The following FIP1L1 variants were observed in gnomAD, a reference collection of about 807,000 sequenced individuals.
The protein encoded by FIP1L1 is factor interacting with PAPOLA and CPSF1, also known as pre-mRNA 3'-end-processing factor FIP1.
In FIP1L1, 21 loss-of-function variants were observed where a neutral mutation model predicts 84.6. That is an observed-to-expected ratio of 0.25 (90% confidence interval 0.18 to 0.36). The LOEUF is 0.36. Ranked by LOEUF, FIP1L1 falls within the 10% of genes least tolerant of loss-of-function variation. The pLI, the probability that FIP1L1 is intolerant of heterozygous loss-of-function variation, is 1.00. For synonymous variants in FIP1L1, 263 were observed against 242.3 expected (o/e 1.09, Z -0.80); for missense variants, 526 against 751.1 (o/e 0.70, Z 3.50).
intron 3 of FIP1L1, 104 bp from the exon 4 acceptor site, chr4:53,382,174 C>A: frequency 4.5e-5 from 34 of 756,448 alleles, no homozygotes; most frequent in Non-Finnish European, 7.3e-5. Context: ...CCAGTGGAGA[C>A]AATAATTTTA....
rs3067115 is a variant in FIP1L1 at position 53,459,277 on chromosome 4, CTTTTT to C, written c.1638-9_1638-5del. 237 of 974,182 alleles carry C rather than the reference CTTTTT, an allele frequency of 2.4e-4. No individual in the cohort carries two copies. The highest frequency in any genetic ancestry group is 2.7e-4 in the Middle Eastern group (1 of 3,678). 60.3% of individuals were successfully genotyped at this position (974,182 alleles called of 1,614,324 possible). A position where few individuals can be genotyped will look rare whatever the true frequency, so the allele number is the denominator to read the frequency against. ...GATTGTGTATTTAAACAGAACACAC[CTTTTT>C]TTTTTTTTTTTTTTTCCAGTAATAG... On this transcript the variant is annotated intron_variant, in intron 17 of 17. Coordinates refer to ENST00000337488, the MANE Select transcript of FIP1L1 (RefSeq NM_030917.4).
chr4:53,421,089 A>G (rs966815638), intron 11 of FIP1L1, among the ~76,000 whole-genome samples: 2 of 152,194 alleles, frequency 1.3e-5, no homozygotes, highest in Non-Finnish European at 1.5e-5. Flanking sequence ...TATGCAGGCA[A>G]GGTTGAGAAC....
chr4:53,405,396 G>C (rs1752757476), intron 10 of FIP1L1, among the ~76,000 whole-genome samples: 1 of 152,152 alleles, frequency 6.6e-6, no homozygotes, highest in African/African-American at 2.4e-5. Flanking sequence ...GTACCATGCT[G>C]TTTTGGTTAC....
intron 5 of FIP1L1, among the ~76,000 whole-genome samples, chr4:53,385,088 G>A (rs1740219463): frequency 6.6e-6 from 1 of 152,082 alleles, no homozygotes; most frequent in African/African-American, 2.4e-5. Context: ...TTTCATGTTA[G>A]GGGTGGATAT....
rs587778363 is a variant in FIP1L1, at chr4:53,399,808, T to C, written c.784T>C (p.Ser262Pro). Residue 262 changes from serine (S) to proline (P), a missense_variant, in exon 10 of 18, where the codon TCT (serine) becomes CCT (proline). Physicochemically the swap from Ser to Pro is moderately conservative, Grantham distance 74. Around this residue, in one of 6 missense-constraint regions of FIP1L1, gnomAD observed 169 missense variants for 206.9 expected, o/e 0.82. Coordinates refer to ENST00000337488, the MANE Select transcript of FIP1L1 (RefSeq NM_030917.4). ...STKAEFTSPP[S>P]LFKTGLPPSR... ...AAAAGCTGAGTTTACTTCTCCTCCT[T>C]CTTTGTTCAAGACTGGGCTTCCACC... 25 of 1,613,556 alleles carry C rather than the reference T, an allele frequency of 1.5e-5. No homozygotes were observed. The Admixed American group carries it at 1.8e-4, about 12-fold the overall frequency.
At chr4:53,417,081 T>C (rs1053492229) in intron 11 of FIP1L1, among the ~76,000 whole-genome samples, 10 of 152,254 alleles carry the variant, frequency 6.6e-5, no homozygotes, top group Non-Finnish European at 1.3e-4. Flanking sequence ...TAGAAGTTTT[T>C]ATTTAAAATT....
chr4:53,406,696 T>G lies in FIP1L1; in HGVS notation c.815+6857T>G, dbSNP rs1266354066. On this transcript the variant is annotated intron_variant, in intron 10 of 17. Coordinates refer to ENST00000337488, the MANE Select transcript of FIP1L1 (RefSeq NM_030917.4). ...TTGCCACAATTTCAGAGCCTATTAT[T>G]GGTCTATTCAGGGATTCAACTTCTT... Among the ~76,000 whole-genome samples, 4 of 152,214 alleles carry G rather than the reference T, an allele frequency of 2.6e-5. No individual in the cohort carries two copies. The East Asian group carries it at 7.7e-4, about 29-fold the overall frequency.
At chr4:53,437,835 C>T (rs1770119534) in intron 13 of FIP1L1, among the ~76,000 whole-genome samples, 1 of 152,022 alleles carries the variant, frequency 6.6e-6, no homozygotes, top group Non-Finnish European at 1.5e-5. Context: ...AAACGATTCT[C>T]CAGCCTCAGC....
At chr4:53,435,093 T>G (rs1406642682) in intron 13 of FIP1L1, among the ~76,000 whole-genome samples, 1 of 152,154 alleles carries the variant, frequency 6.6e-6, no homozygotes, top group Non-Finnish European at 1.5e-5. Flanking sequence ...GAACTCAAAG[T>G]TTTTGAAAAC....
intron 10 of FIP1L1, among the ~76,000 whole-genome samples, chr4:53,410,308 G>A (rs1756509039): frequency 6.6e-6 from 1 of 152,184 alleles, no homozygotes; most frequent in South Asian, 2.1e-4. Flanking sequence ...TGCTTCAAAT[G>A]CCTAACAACT....
chr4:53,392,923 G>T (rs1471284485), intron 9 of FIP1L1, among the ~76,000 whole-genome samples: 1 of 152,116 alleles, frequency 6.6e-6, no homozygotes, highest in African/African-American at 2.4e-5. Context: ...TTCTTGCCTT[G>T]ATAGTGTGTT....
intron 3 of FIP1L1, among the ~76,000 whole-genome samples, chr4:53,381,750 A>ATTCTTTTTTTT (rs1738026508): frequency 1.6e-5 from 1 of 63,070 alleles, no homozygotes; most frequent in Non-Finnish European, 3.0e-5. Context: ...AGGCATTTGC[A>ATTCTTTTTTTT]TTCTTTTTTT....
At chr4:53,414,745 GATA>G in intron 11 of FIP1L1, 23 bp downstream of exon 11, 1 of 1,417,014 alleles carries the variant, frequency 7.1e-7, no homozygotes, top group African/African-American at 1.4e-5. Context: ...TTAAACATTG[GATA>G]CTCCCTGATG....
chr4:53,391,241 T>C (rs1744104437), intron 8 of FIP1L1, 102 bp downstream of exon 8: 1 of 1,355,342 alleles, frequency 7.4e-7, no homozygotes, highest in South Asian at 1.4e-5. Flanking sequence ...TGCTATATGA[T>C]AGTTTAAAAA....
At chr4:53,407,074 C>A (rs974143938) in intron 10 of FIP1L1, among the ~76,000 whole-genome samples, 4 of 152,106 alleles carry the variant, frequency 2.6e-5, no homozygotes, top group African/African-American at 4.8e-5. Flanking sequence ...TTTGCTCTTG[C>A]TTCTCTAGTT....
intron 9 of FIP1L1, among the ~76,000 whole-genome samples, chr4:53,398,072 A>C (rs1413206464): frequency 1.3e-5 from 2 of 152,006 alleles, no homozygotes; most frequent in Admixed American, 1.3e-4. Flanking sequence ...TTTTTTTCAT[A>C]ATATTTATTA....
At position 53,389,425 on chromosome 4, in the gene FIP1L1, A is replaced by G. The variant is rs1043138204; in HGVS notation, c.333-384A>G. ...ACAGTAGAATGTTGAGTTATTGGCA[A>G]AAAGGTTTTTGAAATGGAAACAAGT... On this transcript the variant is annotated intron_variant, in intron 5 of 17. Coordinates refer to ENST00000337488, the MANE Select transcript of FIP1L1 (RefSeq NM_030917.4). Among the ~76,000 whole-genome samples, 5 of 148,408 alleles carry G rather than the reference A, an allele frequency of 3.4e-5. No homozygotes were observed. The Admixed American group carries it at 3.5e-4, about 10-fold the overall frequency.
chr4:53,419,842 A>G (rs1005514058), intron 11 of FIP1L1, among the ~76,000 whole-genome samples: 7 of 152,130 alleles, frequency 4.6e-5, no homozygotes, highest in African/African-American at 1.7e-4. Context: ...GCCAGGCGCA[A>G]TGGCTCACGC....
In FIP1L1 at chr4:53,394,422, T is replaced by C. The variant is rs182891973; in HGVS notation, c.705+2924T>C. On this transcript the variant is annotated intron_variant, in intron 9 of 17. Transcript: ENST00000337488. ...TGGAGGGCTGTTTTTTCACATTCCCTGATGTCAGTATTTTTAGGTGTTTTT... is the reference window on the plus strand; with the variant it reads ...TGGAGGGCTGTTTTTTCACATTCCCCGATGTCAGTATTTTTAGGTGTTTTT... Among the ~76,000 whole-genome samples, 6 of 152,342 alleles carry C rather than the reference T, an allele frequency of 3.9e-5. No individual in the cohort carries two copies. In the East Asian group the frequency reaches 9.6e-4, roughly 24 times the overall value.
Sources: gnomAD v4.1 joint callset for allele counts (sites outside exome capture counted in the v4.1 genomes callset) on GRCh38, gnomAD v4.1.1 for gene constraint, gnomAD v4.1.1 regional missense constraint, MANE v1.5 for transcripts, NCBI Gene and HGNC (gene_info 2026-07-23, HGNC 2026-07-21) for gene names.